NRXN1: variants seen among roughly 807,000 people sequenced by gnomAD.
The protein encoded by NRXN1 is neurexin-1.
NRXN1 carries 39 observed loss-of-function variants against 150.9 expected under a neutral mutation model. That is an observed-to-expected ratio of 0.26 (90% CI 0.20 to 0.34). NRXN1 has a LOEUF of 0.34. Among genes scored for constraint, NRXN1 ranks in the 10% least tolerant of loss-of-function variants. NRXN1 has a pLI of 1.00. For missense variants in NRXN1, 1,815 were observed against 1,949.9 expected, an observed-to-expected ratio of 0.93 and a Z score of 1.30; for synonymous variants, 924 against 757.0, an observed-to-expected ratio of 1.22 and a Z score of -3.62.
intron 19 of NRXN1, among the ~76,000 whole-genome samples, chr2:50,064,590 A>G (rs1361477402): frequency 6.6e-6 from 1 of 152,104 alleles, no homozygotes; most frequent in Non-Finnish European, 1.5e-5. Flanking sequence ...CCAAGACTAT[A>G]TTTTCTAGAT....
At chr2:50,924,757 A>G (rs1246354120) in intron 3 of NRXN1, among the ~76,000 whole-genome samples, 1 of 151,770 alleles carries the variant, frequency 6.6e-6, no homozygotes, top group East Asian at 1.9e-4. Context: ...TTAAATAACA[A>G]AACAGAAATG....
chr2:50,073,826 T>G (rs60703382), intron 19 of NRXN1, among the ~76,000 whole-genome samples: 2,009 of 152,274 alleles, frequency 0.013, 45 homozygotes, highest in African/African-American at 0.046. Flanking sequence ...TATAAGCTCT[T>G]ACACATAAAT....
At position 50,346,665 on chromosome 2, in the gene NRXN1, G is replaced by T. The variant is rs200541630; in HGVS notation, c.3365-109695C>A. The T allele has an allele frequency of 4.3e-6, 7 of 1,610,910 alleles. No individual in the cohort carries two copies. The highest frequency in any genetic ancestry group is 5.9e-6 in the Non-Finnish European group (7 of 1,177,780). On this transcript the variant is annotated intron_variant, in intron 17 of 22. Transcript: ENST00000401669. This position sits in a 1 kb window ranked among gnomAD's most constrained non-coding sequence, Gnocchi z 5.0. ...AAAGAGGGGAGCGAGGGGATAACCC[G>T]CGAGAACTTGGCATCGCAGACCCAC...
chr2:50,391,444 T>G (rs2081689890), intron 17 of NRXN1, among the ~76,000 whole-genome samples: 1 of 152,122 alleles, frequency 6.6e-6, no homozygotes. Context: ...ATAATCTTCT[T>G]GGGAAGAGAA....
intron 19 of NRXN1, among the ~76,000 whole-genome samples, chr2:50,083,573 G>A (rs770357947): frequency 2.0e-5 from 3 of 152,116 alleles, no homozygotes; most frequent in Non-Finnish European, 4.4e-5. Flanking sequence ...AAAGAACAAG[G>A]CTTCCACAAC....
intron 5 of NRXN1, among the ~76,000 whole-genome samples, chr2:50,799,617 C>T (rs1353928055): frequency 6.6e-6 from 1 of 152,120 alleles, no homozygotes; most frequent in Non-Finnish European, 1.5e-5. Flanking sequence ...ACTTTCAGTA[C>T]AGTATTCAAT....
chr2:50,767,499 G>C (rs1035446672), intron 5 of NRXN1, among the ~76,000 whole-genome samples: 11 of 152,006 alleles, frequency 7.2e-5, no homozygotes, highest in African/African-American at 2.7e-4. Context: ...AAAGGAACTT[G>C]TATCAGACAG....
chr2:50,486,910 T>C (rs1252475301), intron 15 of NRXN1, among the ~76,000 whole-genome samples: 1 of 152,186 alleles, frequency 6.6e-6, no homozygotes, highest in Non-Finnish European at 1.5e-5. Context: ...GCAAACCTTG[T>C]GTATTGTTCT....
intron 17 of NRXN1, among the ~76,000 whole-genome samples, chr2:50,285,192 T>C (rs918809536): frequency 2.0e-5 from 3 of 152,226 alleles, no homozygotes. Flanking sequence ...CACTGAGTGC[T>C]TTCAAACTGC....
At chr2:51,014,616 A>G (rs1450132206) in intron 2 of NRXN1, among the ~76,000 whole-genome samples, 1 of 152,028 alleles carries the variant, frequency 6.6e-6, no homozygotes, top group Non-Finnish European at 1.5e-5. Flanking sequence ...GTTAGTTATT[A>G]TTTTATAAAT....
intron 18 of NRXN1, among the ~76,000 whole-genome samples, chr2:50,123,664 G>T (rs1704176853): frequency 6.6e-6 from 1 of 152,136 alleles, no homozygotes; most frequent in Admixed American, 6.5e-5. Context: ...ATACTATGAA[G>T]TGATTAAACT....
At chr2:50,107,710 A>C (rs2152720642) in intron 18 of NRXN1, among the ~76,000 whole-genome samples, 1 of 151,796 alleles carries the variant, frequency 6.6e-6, no homozygotes, top group Admixed American at 6.6e-5. Context: ...AGAAATTACT[A>C]ACGTAAAAGT....
intron 12 of NRXN1, among the ~76,000 whole-genome samples, chr2:50,514,492 G>T (rs754213460): frequency 6.6e-6 from 1 of 152,114 alleles, no homozygotes; most frequent in Non-Finnish European, 1.5e-5. Flanking sequence ...ACCGATCTCA[G>T]CATTGGGAAT....
At chr2:50,520,895 A>G (rs1176714822) in intron 12 of NRXN1, among the ~76,000 whole-genome samples, 1 of 152,066 alleles carries the variant, frequency 6.6e-6, no homozygotes, top group Non-Finnish European at 1.5e-5. Flanking sequence ...TATTTTCTTT[A>G]CTAGAAACTT....
At position 50,107,539 on chromosome 2, in the gene NRXN1, A is replaced by ATATATATTTTT. The variant is rs59921941; in HGVS notation, c.3547-16046_3547-16045insAAAAATATATA. On this transcript the variant is annotated intron_variant, in intron 18 of 22. Transcript: ENST00000401669. ...AGACTACATATATATATATATATATATTTTTTTTTTTTACCCAAGTACTAC... is the reference window on the plus strand; with the variant it reads ...AGACTACATATATATATATATATATATATATATTTTTTTTTTTTTTTTTACCCAAGTACTAC... Among the ~76,000 whole-genome samples, 1,105 of 129,776 alleles carry ATATATATTTTT rather than the reference A, an allele frequency of 8.5e-3. 9 individuals are homozygous for ATATATATTTTT. The highest frequency in any genetic ancestry group is 0.017 in the East Asian group (73 of 4,364). The allele number at this position is 129,776 out of a possible 152,430, so 85.1% of individuals were successfully genotyped here.
intron 18 of NRXN1, among the ~76,000 whole-genome samples, chr2:50,141,270 C>T (rs1707234683): frequency 6.6e-6 from 1 of 151,932 alleles, no homozygotes; most frequent in African/African-American, 2.4e-5. Flanking sequence ...AGAAGAATTA[C>T]ATTAGATCCC....
intron 5 of NRXN1, among the ~76,000 whole-genome samples, chr2:50,676,078 T>C (rs943510364): frequency 1.3e-5 from 2 of 152,086 alleles, no homozygotes; most frequent in African/African-American, 4.8e-5. Context: ...TGGGGGTGGA[T>C]CCTTCACGAA....
At chr2:50,824,996 A>G (rs935883087) in intron 5 of NRXN1, among the ~76,000 whole-genome samples, 12 of 152,216 alleles carry the variant, frequency 7.9e-5, no homozygotes, top group Admixed American at 7.2e-4. Context: ...CAAGTGATAC[A>G]CTATAGAGAA....
intron 17 of NRXN1, among the ~76,000 whole-genome samples, chr2:50,372,215 T>C (rs1217068419): frequency 6.6e-6 from 1 of 152,090 alleles, no homozygotes; most frequent in South Asian, 2.1e-4. Flanking sequence ...CTAAAATCCA[T>C]ATAACAAAAA....
Sources: gnomAD v4.1 joint callset for allele counts (sites outside exome capture counted in the v4.1 genomes callset) on GRCh38, gnomAD v4.1.1 for gene constraint, Gnocchi (gnomAD v3.1) non-coding constraint, MANE v1.5 for transcripts, NCBI Gene and HGNC (gene_info 2026-07-23, HGNC 2026-07-21) for gene names.